Variants in MYO1D observed in about 807,000 individuals in gnomAD.
The protein encoded by MYO1D is myosin ID.
In MYO1D, 83 loss-of-function variants were observed where a neutral mutation model predicts 122.0. That is an observed-to-expected ratio of 0.68 (90% CI 0.57 to 0.82). The LOEUF (loss-of-function observed/expected upper bound fraction) is 0.82. MYO1D is among the 40% of genes least tolerant of loss of function. The pLI is 0.00. For synonymous variants in MYO1D, 464 were observed against 446.9 expected, an observed-to-expected ratio of 1.04 and a Z score of -0.48; for missense variants, 1,157 against 1,269.5, an observed-to-expected ratio of 0.91 and a Z score of 1.35.
chr17:32,803,936 A>G (rs1054903995), intron 1 of MYO1D, among the ~76,000 whole-genome samples: 1 of 152,296 alleles, frequency 6.6e-6, no homozygotes, highest in East Asian at 1.9e-4. Context: ...AATTTTGTAA[A>G]TTGTTTTAAA....
At chr17:32,874,098 T>C (rs754862941) in intron 1 of MYO1D, among the ~76,000 whole-genome samples, 2 of 152,232 alleles carry the variant, frequency 1.3e-5, no homozygotes, top group Non-Finnish European at 2.9e-5. Context: ...CCTTTGGAAC[T>C]CAGCTCAACT....
chr17:32,646,933 ACT>A (rs1384537235), intron 19 of MYO1D, among the ~76,000 whole-genome samples: 1 of 152,104 alleles, frequency 6.6e-6, no homozygotes, highest in Non-Finnish European at 1.5e-5. Context: ...GCAAAAAAGC[ACT>A]CTTTTCTTCC....
chr17:32,786,747 G>A (rs1040659906), intron 1 of MYO1D, among the ~76,000 whole-genome samples: 2 of 152,174 alleles, frequency 1.3e-5, no homozygotes, highest in Non-Finnish European at 2.9e-5. Context: ...TTGAACCCAG[G>A]GGGCAGAGGT....
At chr17:32,620,786 G>T (rs1031092538) in intron 20 of MYO1D, among the ~76,000 whole-genome samples, 1 of 152,148 alleles carries the variant, frequency 6.6e-6, no homozygotes, top group Non-Finnish European at 1.5e-5. Context: ...TCCTGCAGTG[G>T]TTTCTGATGT....
At chr17:32,658,739 CAG>C (rs2088511761) in intron 17 of MYO1D, 1 of 220,544 alleles carries the variant, frequency 4.5e-6, no homozygotes, top group Admixed American at 5.3e-5. Context: ...TTCTAAGGTG[CAG>C]CAGAATTGAG....
intron 21 of MYO1D, chr17:32,531,369 GAAAAGGA>G (rs1910502918): frequency 6.6e-6 from 1 of 152,226 alleles, no homozygotes; most frequent in Non-Finnish European, 1.5e-5. Context: ...GGGAGGAGAA[GAAAAGGA>G]TCTTGATGGT....
rs1438238635 is a variant in MYO1D, at chr17:32,492,976, C to CT, written c.*1782dup. 6.5e-6 allele frequency: 1 copy of CT among 152,680 alleles called. No individual in the cohort carries two copies. The highest frequency in any genetic ancestry group is 1.5e-5 in the Non-Finnish European group (1 of 68,064). 9.5% of individuals were successfully genotyped at this position (152,680 alleles called of 1,614,324 possible). A position where few individuals can be genotyped will look rare whatever the true frequency, so the allele number is the denominator to read the frequency against. On this transcript the variant is annotated 3_prime_UTR_variant, in exon 22 of 22. Transcript: ENST00000318217. ...CCCAAACCCAGGCCCTCCTCCTGCC[C>CT]TCCAGCCTTTGACAGGCAACTCATT...
chr17:32,872,766 G>C lies in MYO1D; in HGVS notation c.95+4012C>G, dbSNP rs534398973. 4.0e-3 allele frequency among the ~76,000 whole-genome samples: 591 copies of C among 147,846 alleles called. 1 individual carries two copies. The highest frequency in any genetic ancestry group is 0.019 in the Middle Eastern group (5 of 266). Reference sequence around the variant, plus strand: ...CTGCGGACTGCAGTGGCGCAATCTCGGCTCACTGCAAGCTCCGCTTCCCGG... The same window carrying C: ...CTGCGGACTGCAGTGGCGCAATCTCCGCTCACTGCAAGCTCCGCTTCCCGG... On this transcript the variant is annotated intron_variant, in intron 1 of 21. Transcript: ENST00000318217.
At chr17:32,652,809 A>G (rs1443970825) in intron 19 of MYO1D, among the ~76,000 whole-genome samples, 1 of 151,960 alleles carries the variant, frequency 6.6e-6, no homozygotes, top group Non-Finnish European at 1.5e-5. Flanking sequence ...TCTTTTTAAA[A>G]CTCAGTTCTT....
chr17:32,543,855 T>C (rs1160139431), intron 21 of MYO1D, among the ~76,000 whole-genome samples: 1 of 152,034 alleles, frequency 6.6e-6, no homozygotes, highest in Non-Finnish European at 1.5e-5. Context: ...TGCAATGGCA[T>C]AGTCTCTGCT....
At chr17:32,696,302 C>T (rs1324848056) in intron 16 of MYO1D, among the ~76,000 whole-genome samples, 6 of 151,656 alleles carry the variant, frequency 4.0e-5, no homozygotes, top group Non-Finnish European at 7.4e-5. Context: ...AGTAAAATAA[C>T]AAGCAAAAGT....
intron 14 of MYO1D, among the ~76,000 whole-genome samples, chr17:32,736,968 A>C (rs1207250586): frequency 2.0e-5 from 3 of 152,226 alleles, no homozygotes; most frequent in Non-Finnish European, 1.5e-5. Context: ...ATAAGCCAAC[A>C]AATTGTGCTT....
intron 14 of MYO1D, among the ~76,000 whole-genome samples, chr17:32,732,454 A>G (rs367935545): frequency 3.3e-4 from 51 of 152,252 alleles, no homozygotes; most frequent in African/African-American, 1.2e-3. Flanking sequence ...GAGAGGAGCT[A>G]CCCACCATGG....
chr17:32,771,114 G>A lies in MYO1D; in HGVS notation c.714+11C>T, dbSNP rs755187132. ...TTTCTATTGGAGCAATCTCAAAGAGGAAATTCTCACCTTTAATTGAGCTCC... is the reference window on the plus strand; with the variant it reads ...TTTCTATTGGAGCAATCTCAAAGAGAAAATTCTCACCTTTAATTGAGCTCC... On this transcript the variant is annotated intron_variant, in intron 6 of 21. Transcript: ENST00000318217. 4 of 1,569,644 alleles carry A rather than the reference G, an allele frequency of 2.5e-6. No individual in the cohort carries two copies. Among genetic ancestry groups the A allele is most frequent in the Non-Finnish European group, 3.5e-6 (4 of 1,140,586 alleles).
chr17:32,534,854 A>G (rs1367802610), intron 21 of MYO1D, among the ~76,000 whole-genome samples: 3 of 152,238 alleles, frequency 2.0e-5, no homozygotes, highest in Non-Finnish European at 4.4e-5. Context: ...AGCGAAGTAC[A>G]GTTAAATAAA....
At chr17:32,500,772 C>T (rs758668682) in intron 21 of MYO1D, among the ~76,000 whole-genome samples, 3 of 151,998 alleles carry the variant, frequency 2.0e-5, no homozygotes, top group Non-Finnish European at 2.9e-5. Context: ...TTTGGGAGGC[C>T]GAGGTGGGTG....
intron 21 of MYO1D, among the ~76,000 whole-genome samples, chr17:32,576,387 A>G (rs1412231487): frequency 6.6e-6 from 1 of 152,200 alleles, no homozygotes; most frequent in Non-Finnish European, 1.5e-5. Flanking sequence ...TCTGAGGACA[A>G]TTGTGACTAT....
chr17:32,784,910 G>A (rs564627567), intron 1 of MYO1D, among the ~76,000 whole-genome samples: 1 of 152,270 alleles, frequency 6.6e-6, no homozygotes, highest in African/African-American at 2.4e-5. Flanking sequence ...GGAACAGTTG[G>A]AAATGTACAT....
intron 21 of MYO1D, among the ~76,000 whole-genome samples, chr17:32,600,009 C>A (rs531443729): frequency 1.2e-4 from 19 of 152,302 alleles, no homozygotes; most frequent in African/African-American, 4.1e-4. Context: ...CCTTTATCCA[C>A]GGGCTGCACA....
Sources: allele counts gnomAD v4.1 joint callset (sites outside exome capture counted in the v4.1 genomes callset), GRCh38; gene constraint gnomAD v4.1.1; transcripts MANE v1.5; gene names NCBI Gene and HGNC (gene_info 2026-07-23, HGNC 2026-07-21).